Variants in STIM1 observed in about 807,000 individuals in gnomAD.
The protein encoded by STIM1 is stromal interaction molecule 1.
In STIM1, 25 loss-of-function variants were observed where a neutral mutation model predicts 74.7. The ratio of observed to expected loss-of-function variants is 0.33; its 90% confidence interval spans 0.24 to 0.47. The LOEUF is 0.47. STIM1 is among the 20% of genes least tolerant of loss of function. STIM1 has a pLI of 1.00. For missense variants in STIM1, 728 were observed against 920.8 expected (o/e 0.79, Z 2.71); for synonymous variants, 328 against 348.8 (o/e 0.94, Z 0.66).
At chr11:3,891,374 C>G (rs1156253598) in intron 1 of STIM1, among the ~76,000 whole-genome samples, 1 of 152,060 alleles carries the variant, frequency 6.6e-6, no homozygotes, top group East Asian at 1.9e-4. Flanking sequence ...ACTGCAACCT[C>G]TGCCTCCTGG....
At chr11:4,030,356 A>G (rs2094039679) in intron 3 of STIM1, among the ~76,000 whole-genome samples, 1 of 151,678 alleles carries the variant, frequency 6.6e-6, no homozygotes, top group African/African-American at 2.4e-5. Flanking sequence ...AGAAAGAAAG[A>G]AAGCACCCAG....
intron 2 of STIM1, among the ~76,000 whole-genome samples, chr11:3,995,465 C>G (rs1157372222): frequency 6.6e-6 from 1 of 152,100 alleles, no homozygotes; most frequent in African/African-American, 2.4e-5. Context: ...ATGGTTTGGG[C>G]AGAACTTTGA....
At chr11:3,993,788 C>T (rs898126813) in intron 2 of STIM1, among the ~76,000 whole-genome samples, 3 of 152,214 alleles carry the variant, frequency 2.0e-5, no homozygotes, top group South Asian at 4.1e-4. Context: ...ATTCCTGGCA[C>T]CCAGATCTTC....
chr11:3,873,158 G>A (rs2091178652), intron 1 of STIM1, among the ~76,000 whole-genome samples: 2 of 152,066 alleles, frequency 1.3e-5, no homozygotes, highest in Non-Finnish European at 2.9e-5. Context: ...GCTCACGTCT[G>A]TAATCCCGGC....
chr11:4,054,327 G>T (rs2094270329), intron 3 of STIM1, among the ~76,000 whole-genome samples: 1 of 152,146 alleles, frequency 6.6e-6, no homozygotes, highest in Admixed American at 6.5e-5. Context: ...TGGTAGTCAA[G>T]ACTCTTTGTG....
chr11:3,988,381 G>A (rs1309372862), intron 2 of STIM1, among the ~76,000 whole-genome samples: 1 of 151,998 alleles, frequency 6.6e-6, no homozygotes, highest in Non-Finnish European at 1.5e-5. Flanking sequence ...TATTGGTTGA[G>A]GATCAGTACA....
chr11:4,060,881 C>T (rs2094325953), intron 5 of STIM1, among the ~76,000 whole-genome samples: 1 of 152,168 alleles, frequency 6.6e-6, no homozygotes, highest in Non-Finnish European at 1.5e-5. Flanking sequence ...TCCAGGGAAA[C>T]TTTATGGAGA....
chr11:4,047,299 G>C (rs1293892367), intron 3 of STIM1, among the ~76,000 whole-genome samples: 1 of 152,072 alleles, frequency 6.6e-6, no homozygotes, highest in Non-Finnish European at 1.5e-5. Context: ...GGGCAGCATT[G>C]GGAGACCCCA....
chr11:3,905,186 TG>T (rs1297463548), intron 1 of STIM1, among the ~76,000 whole-genome samples: 13 of 151,800 alleles, frequency 8.6e-5, no homozygotes, highest in African/African-American at 3.1e-4. Flanking sequence ...ACTGAGTCAT[TG>T]GTGACCATGG....
At chr11:3,897,740 C>G (rs917203973) in intron 1 of STIM1, among the ~76,000 whole-genome samples, 4 of 152,046 alleles carry the variant, frequency 2.6e-5, no homozygotes, top group African/African-American at 9.7e-5. Flanking sequence ...GTTCAATTCC[C>G]ACCTATGAGT....
chr11:4,001,364 C>G (rs1409545470), intron 2 of STIM1, among the ~76,000 whole-genome samples: 1 of 152,060 alleles, frequency 6.6e-6, no homozygotes, highest in African/African-American at 2.4e-5. Context: ...CAAAGGGAAG[C>G]CCATCAGACT....
At chr11:3,893,412 T>C (rs977325504) in intron 1 of STIM1, among the ~76,000 whole-genome samples, 4 of 152,244 alleles carry the variant, frequency 2.6e-5, no homozygotes, top group Non-Finnish European at 5.9e-5. Flanking sequence ...ACAAGTTTTG[T>C]GTGAACACTA....
At chr11:3,938,140 G>A (rs1315522377) in intron 1 of STIM1, among the ~76,000 whole-genome samples, 1 of 152,112 alleles carries the variant, frequency 6.6e-6, no homozygotes, top group African/African-American at 2.4e-5. Context: ...GTTTTGCCAT[G>A]TTGGTCAGGC....
At chr11:4,046,222 T>C (rs1232852431) in intron 3 of STIM1, among the ~76,000 whole-genome samples, 3 of 151,750 alleles carry the variant, frequency 2.0e-5, no homozygotes, top group Non-Finnish European at 2.9e-5. Context: ...GCACCACCCC[T>C]CAACACTAAT....
chr11:3,905,142 C>T lies in STIM1; in HGVS notation c.139+48733C>T, dbSNP rs1425354372. ...AAGAAAGCAATAGTGTCTGTTGCAG[C>T]AGAGAACAGGTAGGGTGAGCCTGAA... is the stretch of plus-strand genomic sequence containing the variant. On this transcript the variant is annotated intron_variant, in intron 1 of 12. Transcript: ENST00000526596. 2.0e-5 allele frequency among the ~76,000 whole-genome samples: 3 copies of T among 151,652 alleles called. No homozygotes were observed. The East Asian group carries it at 5.8e-4, about 30-fold the overall frequency.
intron 2 of STIM1, among the ~76,000 whole-genome samples, chr11:4,011,357 T>C (rs1189637771): frequency 6.6e-6 from 1 of 152,246 alleles, no homozygotes; most frequent in African/African-American, 2.4e-5. Flanking sequence ...CATTCCTATT[T>C]CTCCACATCC....
chr11:3,875,680 C>T (rs967686818), intron 1 of STIM1, among the ~76,000 whole-genome samples: 2 of 151,104 alleles, frequency 1.3e-5, no homozygotes, highest in East Asian at 3.9e-4. Context: ...GAGCCAAGAT[C>T]ATGCCACTGC....
intron 1 of STIM1, among the ~76,000 whole-genome samples, chr11:3,916,432 C>T (rs2092644404): frequency 6.7e-6 from 1 of 149,978 alleles, no homozygotes; most frequent in African/African-American, 2.5e-5. Context: ...GGACTACAAG[C>T]ATGTGCCACC....
At chr11:4,012,201 A>C (rs939915414) in intron 2 of STIM1, among the ~76,000 whole-genome samples, 1 of 152,194 alleles carries the variant, frequency 6.6e-6, no homozygotes, top group Non-Finnish European at 1.5e-5. Context: ...TGTCTTGGCT[A>C]TGCGGACTCT....
Sources: allele counts gnomAD v4.1 joint callset (sites outside exome capture counted in the v4.1 genomes callset), GRCh38; gene constraint gnomAD v4.1.1; transcripts MANE v1.5; gene names NCBI Gene and HGNC (gene_info 2026-07-23, HGNC 2026-07-21).